The following COL14A1 variants were observed in gnomAD, a reference collection of about 807,000 sequenced individuals.
COL14A1 encodes collagen type XIV alpha 1 chain, also known as collagen alpha-1(XIV) chain.
Under a neutral mutation model 230.3 loss-of-function variants are expected in COL14A1, and 136 were observed. That is an observed-to-expected ratio of 0.59 (90% CI 0.51 to 0.68). The LOEUF (loss-of-function observed/expected upper bound fraction) is 0.68, where lower values mean the gene tolerates loss of function less well. COL14A1 is among the 30% of genes least tolerant of loss of function. The probability of loss-of-function intolerance (pLI) is 0.00; values close to 1 mark genes in which losing one functional copy is unlikely to be tolerated. For synonymous variants in COL14A1, 792 were observed against 784.1 expected (o/e 1.01, Z -0.17); for missense variants, 1,976 against 2,215.8 (o/e 0.89, Z 2.17).
intron 5 of COL14A1, among the ~76,000 whole-genome samples, chr8:120,179,521 C>T (rs1305049960): frequency 3.9e-5 from 6 of 151,974 alleles, no homozygotes; most frequent in Admixed American, 6.6e-5. Context: ...TACAAATTAC[C>T]GCTCAAGGAA....
chr8:120,335,326 C>A (rs751954904), intron 42 of COL14A1, among the ~76,000 whole-genome samples: 1 of 152,286 alleles, frequency 6.6e-6, no homozygotes, highest in South Asian at 2.1e-4. Flanking sequence ...TATGAATCAG[C>A]AGAAAGGGGC....
chr8:120,358,124 C>A (rs967795215), intron 45 of COL14A1, among the ~76,000 whole-genome samples: 1 of 152,108 alleles, frequency 6.6e-6, no homozygotes, highest in Non-Finnish European at 1.5e-5. Flanking sequence ...AAGCTAATAT[C>A]ATTGTTTCTG....
intron 18 of COL14A1, 102 bp from the exon 19 acceptor site, chr8:120,231,365 A>G: frequency 8.2e-7 from 1 of 1,219,776 alleles, no homozygotes; most frequent in Non-Finnish European, 1.2e-6. Flanking sequence ...TTACAGGGAT[A>G]CATTAAATGA....
At chr8:120,289,891 A>T (rs1820320506) in intron 34 of COL14A1, 125 bp downstream of exon 34, 5 of 964,962 alleles carry the variant, frequency 5.2e-6, no homozygotes, top group Non-Finnish European at 7.6e-6. Context: ...TGGATGAATG[A>T]ATGGATGGAT....
At chr8:120,354,650 G>A (rs544655211) in intron 45 of COL14A1, among the ~76,000 whole-genome samples, 8 of 151,874 alleles carry the variant, frequency 5.3e-5, no homozygotes, top group African/African-American at 1.5e-4. Context: ...AGTCTTTTTC[G>A]TAAGTTTGTG....
chr8:120,260,932 T>C (rs191358189), intron 23 of COL14A1, among the ~76,000 whole-genome samples: 1 of 152,310 alleles, frequency 6.6e-6, no homozygotes, highest in East Asian at 1.9e-4. Context: ...AGCAACGTCC[T>C]CTGAAACTGA....
At chr8:120,278,729 G>C (rs1819935039) in intron 28 of COL14A1, 151 bp downstream of exon 28, 1 of 790,788 alleles carries the variant, frequency 1.3e-6, no homozygotes, top group Non-Finnish European at 1.8e-6. Context: ...ATACTTTCTG[G>C]TATACAAATC....
chr8:120,138,915 A>G (rs544013371), intron 1 of COL14A1, among the ~76,000 whole-genome samples: 1 of 152,358 alleles, frequency 6.6e-6, no homozygotes, highest in Non-Finnish European at 1.5e-5. Flanking sequence ...TAAAGTAGAT[A>G]TGAACATATA....
intron 5 of COL14A1, among the ~76,000 whole-genome samples, chr8:120,181,308 A>C (rs1013368784): frequency 6.6e-6 from 1 of 152,312 alleles, no homozygotes; most frequent in African/African-American, 2.4e-5. Context: ...ATCATGAAAA[A>C]ATTGAAGAAT....
intron 5 of COL14A1, among the ~76,000 whole-genome samples, chr8:120,171,195 A>G (rs556022959): frequency 2.6e-5 from 4 of 152,314 alleles, no homozygotes; most frequent in African/African-American, 7.2e-5. Flanking sequence ...AATACAGAAT[A>G]TAGAATTTAA....
chr8:120,179,814 A>AAAAGAGCTTGGTACTGG (rs1471258717), intron 5 of COL14A1, among the ~76,000 whole-genome samples: 2 of 152,218 alleles, frequency 1.3e-5, no homozygotes, highest in Non-Finnish European at 2.9e-5. Context: ...ACAAGTCTAC[A>AAAAGAGCTTGGTACTGG]TTAACCAAAA....
At chr8:120,274,853 A>G (rs1317378404) in intron 26 of COL14A1, among the ~76,000 whole-genome samples, 1 of 151,962 alleles carries the variant, frequency 6.6e-6, no homozygotes, top group Non-Finnish European at 1.5e-5. Flanking sequence ...CAGAGATGAC[A>G]CAAACAAATG....
At chr8:120,196,013 A>G (rs1032318275) in intron 5 of COL14A1, among the ~76,000 whole-genome samples, 1 of 152,166 alleles carries the variant, frequency 6.6e-6, no homozygotes, top group African/African-American at 2.4e-5. Context: ...TTAACCATTC[A>G]CCTTCTGCAT....
chr8:120,198,727 G>A (rs1368619491), intron 7 of COL14A1, among the ~76,000 whole-genome samples: 1 of 152,116 alleles, frequency 6.6e-6, no homozygotes, highest in African/African-American at 2.4e-5. Context: ...AACCTGTATT[G>A]CCTGCCACAG....
chr8:120,142,071 A>T, intron 1 of COL14A1, among the ~76,000 whole-genome samples: 1 of 149,362 alleles, frequency 6.7e-6, no homozygotes, highest in East Asian at 2.0e-4. Context: ...TGAAAAGGAA[A>T]TTTTTTTTTT....
intron 44 of COL14A1, among the ~76,000 whole-genome samples, chr8:120,342,971 T>A (rs1380158929): frequency 6.6e-6 from 1 of 152,230 alleles, no homozygotes; most frequent in East Asian, 1.9e-4. Context: ...AACACACACA[T>A]GAACAGGCTT....
chr8:120,369,205 G>A, intron 46 of COL14A1, 125 bp from the exon 47 acceptor site: 1 of 928,048 alleles, frequency 1.1e-6, no homozygotes, highest in Non-Finnish European at 1.5e-6. Context: ...TCAATGAGTA[G>A]AAAGAGGTTG....
chr8:120,214,027 A>G, intron 13 of COL14A1: 1 of 310,806 alleles, frequency 3.2e-6, no homozygotes, highest in Non-Finnish European at 6.3e-6. Context: ...CTGGGCTTTG[A>G]GGTTAGGAAA....
At chr8:120,128,683 C>T (rs758391039) in intron 1 of COL14A1, among the ~76,000 whole-genome samples, 7 of 152,128 alleles carry the variant, frequency 4.6e-5, no homozygotes, top group Non-Finnish European at 7.3e-5. Flanking sequence ...AAATTCTGAG[C>T]GTTCTTTAAG....
Sources: allele counts gnomAD v4.1 joint callset (sites outside exome capture counted in the v4.1 genomes callset), GRCh38; gene constraint gnomAD v4.1.1; transcripts MANE v1.5; gene names NCBI Gene and HGNC (gene_info 2026-07-23, HGNC 2026-07-21).